ZNF514: variants seen among roughly 807,000 people sequenced by gnomAD.
ZNF514 encodes zinc finger protein 514.
In ZNF514, 12 loss-of-function variants were observed where a neutral mutation model predicts 9.7. That is an observed-to-expected ratio of 1.24 (90% confidence interval 0.79 to 2.01). The LOEUF (loss-of-function observed/expected upper bound fraction) is 2.01. Among genes scored for constraint, ZNF514 ranks in the 30% most tolerant of loss-of-function variants. The pLI, the probability that ZNF514 is intolerant of heterozygous loss-of-function variation, is 0.00. For synonymous variants in ZNF514, 158 were observed against 163.7 expected, an observed-to-expected ratio of 0.97 and a Z score of 0.27; for missense variants, 467 against 465.5, an observed-to-expected ratio of 1.00 and a Z score of -0.03.
At chr2:95,137,814 T>C in the ZNF514 span, among the ~76,000 whole-genome samples, 4 of 152,164 alleles carry the variant, frequency 2.6e-5, no homozygotes, top group Admixed American at 2.0e-4. Flanking sequence ...AATTAATAGT[T>C]TGGATATTTG....
At chr2:95,151,732 C>T (rs1389126503) in intron 4 of ZNF514, among the ~76,000 whole-genome samples, 1 of 152,188 alleles carries the variant, frequency 6.6e-6, no homozygotes, top group Admixed American at 6.5e-5. Flanking sequence ...TCTTGTGTGG[C>T]TCCTGGGAAC....
rs1302827804 is a variant in ZNF514, at chr2:95,157,377, TG to T, written c.-34del. ...CGAGGCCTGGCTTTCAGGAATGAATTGGTTGTTCCCTCTTCTCCTGGGAATC... is the reference window on the plus strand; with the variant it reads ...CGAGGCCTGGCTTTCAGGAATGAATTGTTGTTCCCTCTTCTCCTGGGAATC... On this transcript the variant is annotated 5_prime_UTR_variant, in exon 2 of 5. Coordinates refer to ENST00000295208, the MANE Select transcript of ZNF514 (RefSeq NM_032788.3). 1 of 1,289,648 alleles carries T rather than the reference TG, an allele frequency of 7.8e-7. No individual in the cohort carries two copies. The highest frequency in any genetic ancestry group is 5.5e-5 in the East Asian group (1 of 18,020). 79.9% of individuals were successfully genotyped at this position (1,289,648 alleles called of 1,614,324 possible).
At chr2:95,150,391 C>A in intron 4 of ZNF514, 124 bp from the exon 5 acceptor site, 2 of 1,108,162 alleles carry the variant, frequency 1.8e-6, no homozygotes, top group Non-Finnish European at 2.5e-6. Context: ...CTAAAAGGGA[C>A]GTACAGATTT....
intron 2 of ZNF514, among the ~76,000 whole-genome samples, chr2:95,156,693 A>G (rs1673695568): frequency 6.6e-6 from 1 of 152,210 alleles, no homozygotes; most frequent in Admixed American, 6.5e-5. Context: ...TAACATTATT[A>G]TAGTCTTCAT....
Position 95,148,502 on chromosome 2 carries a change from G to A in ZNF514, c.*780C>T, listed in dbSNP as rs1673426655. On this transcript the variant is annotated 3_prime_UTR_variant, in exon 5 of 5. Coordinates refer to ENST00000295208, the MANE Select transcript of ZNF514 (RefSeq NM_032788.3). ...GTTTCTCTTTGAGATGAATACTGAA[G>A]CTTGAACTCTACTAATGGGTTTTCC... The A allele has an allele frequency of 6.6e-6, 1 of 152,230 alleles. No homozygotes were observed. The highest frequency in any genetic ancestry group is 6.5e-5 in the Admixed American group (1 of 15,284). 9.4% of individuals were successfully genotyped at this position (152,230 alleles called of 1,614,324 possible).
At chr2:95,152,573 A>AGCC (rs1369590026) in intron 4 of ZNF514, 101 bp downstream of exon 4, 2 of 912,210 alleles carry the variant, frequency 2.2e-6, no homozygotes, top group Non-Finnish European at 3.5e-6. Flanking sequence ...CTGCCAAGTG[A>AGCC]TCTCATCTTC....
Position 95,149,587 on chromosome 2 carries a change from T to C in ZNF514, c.898A>G (p.Thr300Ala), listed in dbSNP as rs746841373. The change falls in exon 5 of 5, where the codon ACT becomes GCT. Residue 300 changes from threonine (T) to alanine (A), a missense_variant. Coordinates refer to ENST00000295208, the MANE Select transcript of ZNF514 (RefSeq NM_032788.3). ...CTCTGATGCTTAATAAGGGATGAAG[T>C]GTGACCAAAGGCTCGTCCACATTCA... is the stretch of plus-strand genomic sequence containing the variant. ...CNECGRAFGHTSSLIKHQRTH... is the reference protein window; with the variant it reads ...CNECGRAFGHASSLIKHQRTH... 1.2e-6 allele frequency: 2 copies of C among 1,614,002 alleles called. No homozygotes were observed. Among genetic ancestry groups the C allele is most frequent in the African/African-American group, 2.7e-5 (2 of 74,914 alleles).
chr2:95,129,577 C>G, the ZNF514 span, among the ~76,000 whole-genome samples: 2 of 152,246 alleles, frequency 1.3e-5, no homozygotes, highest in Middle Eastern at 3.4e-3. Flanking sequence ...AAACTGCCCC[C>G]ACTTACAGGA....
At chr2:95,154,611 T>C (rs1357524843) in intron 2 of ZNF514, 1 of 152,214 alleles carries the variant, frequency 6.6e-6, no homozygotes, top group Non-Finnish European at 1.5e-5. Flanking sequence ...ATTAGTAGTG[T>C]GAGCTGGTTG....
At chr2:95,151,270 C>G (rs1673530009) in intron 4 of ZNF514, among the ~76,000 whole-genome samples, 1 of 152,194 alleles carries the variant, frequency 6.6e-6, no homozygotes, top group Non-Finnish European at 1.5e-5. Flanking sequence ...AGAGCATTTC[C>G]TGGCTGGGCA....
downstream of ZNF514, among the ~76,000 whole-genome samples, chr2:95,143,122 T>C (rs1673285535): frequency 6.6e-6 from 1 of 152,364 alleles, no homozygotes; most frequent in African/African-American, 2.4e-5. Context: ...CAAGAAGATA[T>C]CCTGGTACAG....
chr2:95,152,498 AG>A (rs1376833105), intron 4 of ZNF514, among the ~76,000 whole-genome samples, 175 bp downstream of exon 4: 4 of 152,220 alleles, frequency 2.6e-5, no homozygotes, highest in South Asian at 2.1e-4. Flanking sequence ...AGAAAAGCAA[AG>A]GAACATCTCC....
At position 95,149,189 on chromosome 2, in the gene ZNF514, A is replaced by G; in HGVS notation, c.*93T>C. On this transcript the variant is annotated 3_prime_UTR_variant, in exon 5 of 5. Transcript: ENST00000295208. ...GGAACAAGATGTGGTCTTCCCACATACATTACACCTTTAGGATCTCTCTCT... is the reference window on the plus strand; with the variant it reads ...GGAACAAGATGTGGTCTTCCCACATGCATTACACCTTTAGGATCTCTCTCT... 1 of 1,426,926 alleles carries G rather than the reference A, an allele frequency of 7.0e-7. No homozygotes were observed. The highest frequency in any genetic ancestry group is 9.4e-7 in the Non-Finnish European group (1 of 1,063,504). 88.4% of individuals were successfully genotyped at this position (1,426,926 alleles called of 1,614,324 possible).
the ZNF514 span, among the ~76,000 whole-genome samples, chr2:95,133,342 A>T: frequency 3.3e-5 from 5 of 152,348 alleles, no homozygotes; most frequent in African/African-American, 7.2e-5. Context: ...TCAAAAAGAA[A>T]AAGAAGAAGG....
chr2:95,146,644 G>T lies in ZNF514; in HGVS notation c.*2638C>A. 6.7e-6 allele frequency among the ~76,000 whole-genome samples: 1 copy of T among 150,166 alleles called. No homozygotes were observed. The highest frequency in any genetic ancestry group is 1.5e-5 in the Non-Finnish European group (1 of 67,638). On this transcript the variant is annotated 3_prime_UTR_variant, in exon 5 of 5. Coordinates refer to ENST00000295208, the MANE Select transcript of ZNF514 (RefSeq NM_032788.3). ...GGGGTGAGGATTTATCTTGTAGGCC[G>T]TGCAAAGGATTTTTGGAGGGCAGGA...
chr2:95,129,694 G>A, the ZNF514 span, among the ~76,000 whole-genome samples: 1 of 152,162 alleles, frequency 6.6e-6, no homozygotes, highest in African/African-American at 2.4e-5. Context: ...ATCAAGCCAA[G>A]AAGATCTGAG....
chr2:95,151,486 T>C (rs1673543785), intron 4 of ZNF514, among the ~76,000 whole-genome samples: 1 of 152,206 alleles, frequency 6.6e-6, no homozygotes, highest in Non-Finnish European at 1.5e-5. Context: ...CAGAAAGGTG[T>C]GCAGCCCTGT....
chr2:95,153,346 C>A, intron 2 of ZNF514, 87 bp from the exon 3 acceptor site: 1 of 1,358,830 alleles, frequency 7.4e-7, no homozygotes. Flanking sequence ...TCAGGTGAAT[C>A]AGGCCTACAG....
chr2:95,129,103 T>C, the ZNF514 span, among the ~76,000 whole-genome samples: 1 of 152,220 alleles, frequency 6.6e-6, no homozygotes, highest in Non-Finnish European at 1.5e-5. Context: ...TTAGCCTCTT[T>C]AGCCAAAACA....
Sources: gnomAD v4.1 joint callset for allele counts (sites outside exome capture counted in the v4.1 genomes callset) on GRCh38, gnomAD v4.1.1 for gene constraint, MANE v1.5 for transcripts, NCBI Gene and HGNC (gene_info 2026-07-23, HGNC 2026-07-21) for gene names.